PLCL2: variants seen among roughly 807,000 people sequenced by gnomAD.
PLCL2 encodes the protein phospholipase C like 2.
A neutral mutation model predicts 79.6 loss-of-function variants in PLCL2; 4 were observed. The ratio of observed to expected loss-of-function variants is 0.05; its 90% CI spans 0.02 to 0.11. The LOEUF is 0.11. Among genes scored for constraint, PLCL2 ranks in the 10% least tolerant of loss-of-function variants. The pLI is 1.00. For synonymous variants in PLCL2, 484 were observed against 457.7 expected (o/e 1.06, Z -0.73); for missense variants, 895 against 1,291.0 (o/e 0.69, Z 4.70).
At chr3:16,932,974 T>A (rs904515965) in intron 1 of PLCL2, 7 of 152,324 alleles carry the variant, frequency 4.6e-5, no homozygotes, top group Admixed American at 4.6e-4. Context: ...AAAGCAGAAT[T>A]TGTAGTTAGT....
chr3:16,916,239 A>G (rs1696993030), intron 1 of PLCL2, among the ~76,000 whole-genome samples: 1 of 152,212 alleles, frequency 6.6e-6, no homozygotes, highest in East Asian at 1.9e-4. Context: ...CCTTAAAACA[A>G]TGACTATCCA....
At chr3:16,897,394 C>T (rs948506752) in intron 1 of PLCL2, among the ~76,000 whole-genome samples, 1 of 151,854 alleles carries the variant, frequency 6.6e-6, no homozygotes, top group Non-Finnish European at 1.5e-5. Context: ...TAGTTCCTGG[C>T]GAGTCCCTGG....
chr3:16,970,058 A>ATTTTTTT (rs139259596), intron 1 of PLCL2, among the ~76,000 whole-genome samples: 1 of 145,764 alleles, frequency 6.9e-6, no homozygotes, highest in African/African-American at 2.5e-5. Context: ...ATATATATAT[A>ATTTTTTT]TTTTATTTTA....
intron 1 of PLCL2, among the ~76,000 whole-genome samples, chr3:16,955,408 C>T (rs539239447): frequency 6.6e-6 from 1 of 152,228 alleles, no homozygotes. Context: ...GGTACCAGTA[C>T]CATGCTGTTT....
intron 1 of PLCL2, among the ~76,000 whole-genome samples, chr3:16,958,770 G>C (rs2063728984): frequency 6.6e-6 from 1 of 152,110 alleles, no homozygotes; most frequent in Admixed American, 6.5e-5. Flanking sequence ...ATAAGTATTT[G>C]TTTAATAAAC....
chr3:17,045,128 T>C (rs185288707), intron 4 of PLCL2, among the ~76,000 whole-genome samples: 28 of 152,346 alleles, frequency 1.8e-4, no homozygotes, highest in African/African-American at 6.0e-4. Flanking sequence ...ATTAGTCATA[T>C]GAAGAATTGC....
intron 1 of PLCL2, among the ~76,000 whole-genome samples, chr3:16,938,412 G>C (rs1259317297): frequency 6.6e-6 from 1 of 152,094 alleles, no homozygotes; most frequent in Non-Finnish European, 1.5e-5. Context: ...AGAAGCCTCA[G>C]CCATCCTCAT....
chr3:17,065,741 C>T (rs1056023415), intron 4 of PLCL2, among the ~76,000 whole-genome samples: 4 of 152,164 alleles, frequency 2.6e-5, no homozygotes, highest in Non-Finnish European at 4.4e-5. Context: ...ATATGTGGTC[C>T]TGCGTTAGTT....
chr3:16,911,114 G>T, intron 1 of PLCL2, among the ~76,000 whole-genome samples: 1 of 152,038 alleles, frequency 6.6e-6, no homozygotes, highest in East Asian at 1.9e-4. Context: ...TTAGCTGGGC[G>T]TGGTGGCATG....
At chr3:17,073,925 C>A (rs2065086131) in intron 5 of PLCL2, among the ~76,000 whole-genome samples, 1 of 152,208 alleles carries the variant, frequency 6.6e-6, no homozygotes, top group Admixed American at 6.5e-5. Flanking sequence ...ATGAACCCAT[C>A]CAAGTCAACC....
At chr3:17,071,224 T>C (rs747784520) in intron 5 of PLCL2, among the ~76,000 whole-genome samples, 3 of 152,206 alleles carry the variant, frequency 2.0e-5, no homozygotes, top group South Asian at 2.1e-4. Flanking sequence ...ACTGGGACCA[T>C]TGATCACCCT....
chr3:17,029,759 AAC>A (rs947529612), intron 3 of PLCL2, among the ~76,000 whole-genome samples: 6 of 152,064 alleles, frequency 3.9e-5, no homozygotes, highest in African/African-American at 1.4e-4. Context: ...AGTGAGCCAA[AAC>A]ACATCTCCCA....
intron 1 of PLCL2, among the ~76,000 whole-genome samples, chr3:16,986,722 C>T (rs2064054212): frequency 6.6e-6 from 1 of 151,912 alleles, no homozygotes; most frequent in Admixed American, 6.6e-5. Context: ...TTCTTTAGCT[C>T]CTGCATTAGG....
intron 5 of PLCL2, among the ~76,000 whole-genome samples, chr3:17,082,139 G>GTTTTTTTTTTTTTT (rs58877063): frequency 9.9e-6 from 1 of 101,334 alleles, no homozygotes; most frequent in Non-Finnish European, 1.9e-5. Context: ...CTCTTTCAGA[G>GTTTTTTTTTTTTTT]TTTTTTTTTT....
chr3:16,964,292 T>C (rs1012941953), intron 1 of PLCL2, among the ~76,000 whole-genome samples: 4 of 151,836 alleles, frequency 2.6e-5, no homozygotes, highest in African/African-American at 9.7e-5. Flanking sequence ...GTCCTTGCGA[T>C]AGTTTCCTGA....
intron 1 of PLCL2, among the ~76,000 whole-genome samples, chr3:16,909,830 G>A (rs1037325588): frequency 3.9e-5 from 6 of 152,128 alleles, no homozygotes; most frequent in Non-Finnish European, 7.3e-5. Context: ...AGATCGGGAT[G>A]GTTTCTTCCT....
At chr3:16,885,450 G>C (rs1360268561) in intron 1 of PLCL2, 84 bp downstream of exon 1, 1 of 523,280 alleles carries the variant, frequency 1.9e-6, no homozygotes, top group Non-Finnish European at 3.4e-6. Flanking sequence ...GGTGGAAGGA[G>C]GAAGCCCACT....
At position 17,028,802 on chromosome 3, in the gene PLCL2, C is replaced by A. The variant is rs561690588; in HGVS notation, c.3018+13891C>A. On this transcript the variant is annotated intron_variant, in intron 3 of 5. Coordinates refer to ENST00000615277, the MANE Select transcript of PLCL2 (RefSeq NM_001144382.2). ...TCTTCCTCTCCCTGAAATCTGAGCT[C>A]CAGGATAACAGGGCCCATGTGTCCT... is the stretch of plus-strand genomic sequence containing the variant. Among the ~76,000 whole-genome samples, 11 of 152,194 alleles carry A rather than the reference C, an allele frequency of 7.2e-5. 1 individual carries two copies. In the South Asian group the frequency reaches 1.9e-3, roughly 26 times the overall value.
chr3:17,081,146 GTA>G, intron 5 of PLCL2: 1 of 456,492 alleles, frequency 2.2e-6, no homozygotes, highest in Non-Finnish European at 4.4e-6. Flanking sequence ...ATCAGTGAAG[GTA>G]TCTAAATTCT....
Sources: allele counts gnomAD v4.1 joint callset (sites outside exome capture counted in the v4.1 genomes callset), GRCh38; gene constraint gnomAD v4.1.1; transcripts MANE v1.5; gene names NCBI Gene and HGNC (gene_info 2026-07-23, HGNC 2026-07-21).